Variants in COL9A1 observed in about 807,000 individuals in gnomAD.
COL9A1 encodes the protein collagen alpha-1(IX) chain.
Under a neutral mutation model 142.6 loss-of-function variants are expected in COL9A1, and 104 were observed. The ratio of observed to expected loss-of-function variants is 0.73; its 90% CI spans 0.62 to 0.86. COL9A1 has a LOEUF of 0.86. Ranked by LOEUF, COL9A1 falls within the 40% of genes least tolerant of loss-of-function variation. COL9A1 has a pLI of 0.00. For missense variants in COL9A1, 1,210 were observed against 1,176.6 expected, an observed-to-expected ratio of 1.03 and a Z score of -0.42; for synonymous variants, 466 against 396.0, an observed-to-expected ratio of 1.18 and a Z score of -2.10.
intron 18 of COL9A1, among the ~76,000 whole-genome samples, chr6:70,264,662 G>A (rs962618393): frequency 2.0e-5 from 3 of 151,982 alleles, no homozygotes; most frequent in African/African-American, 7.2e-5. Context: ...AAACTTTGGA[G>A]TAATATATTT....
intron 36 of COL9A1, among the ~76,000 whole-genome samples, chr6:70,231,029 T>A (rs78739591): frequency 0.039 from 6,006 of 152,286 alleles, 159 homozygotes; most frequent in Non-Finnish European, 0.061. Flanking sequence ...AAATGGGCGA[T>A]TGCTCCACAC....
At chr6:70,268,557 C>G (rs981866890) in intron 17 of COL9A1, among the ~76,000 whole-genome samples, 1 of 152,162 alleles carries the variant, frequency 6.6e-6, no homozygotes, top group African/African-American at 2.4e-5. Flanking sequence ...TCTAAAGTCT[C>G]TCAATCCAAT....
At chr6:70,284,123 A>G (rs925604104) in intron 5 of COL9A1, among the ~76,000 whole-genome samples, 2 of 152,200 alleles carry the variant, frequency 1.3e-5, no homozygotes, top group African/African-American at 4.8e-5. Flanking sequence ...TCTGATGACA[A>G]TCTCAAGATG....
chr6:70,274,876 CA>C, intron 10 of COL9A1, 104 bp from the exon 11 acceptor site: 1 of 871,400 alleles, frequency 1.1e-6, no homozygotes, highest in Admixed American at 1.9e-5. Context: ...AGGATGGTTA[CA>C]TAAGTATGAT....
intron 5 of COL9A1, among the ~76,000 whole-genome samples, chr6:70,285,885 C>A (rs1773433287): frequency 2.0e-5 from 3 of 152,032 alleles, no homozygotes; most frequent in Admixed American, 2.0e-4. Flanking sequence ...TCTTTTCTTT[C>A]TTTCTTTCTT....
intron 37 of COL9A1, among the ~76,000 whole-genome samples, chr6:70,219,012 T>C (rs1257819669): frequency 1.3e-5 from 2 of 152,192 alleles, no homozygotes; most frequent in Non-Finnish European, 2.9e-5. Context: ...GTGTTTTCTT[T>C]TAATGATGAG....
chr6:70,242,765 G>T, intron 28 of COL9A1, 50 bp from the exon 29 acceptor site: 1 of 1,536,454 alleles, frequency 6.5e-7, no homozygotes, highest in Non-Finnish European at 9.0e-7. Flanking sequence ...AAATTCAAAT[G>T]CTTAGTTACT....
At chr6:70,281,278 A>G (rs1773142263) in intron 8 of COL9A1, 112 bp downstream of exon 8, 1 of 1,032,020 alleles carries the variant, frequency 9.7e-7, no homozygotes, top group Non-Finnish European at 1.4e-6. Context: ...GGTGGCAGGA[A>G]GGGGAGACCC....
chr6:70,227,269 G>A (rs1014587510), intron 36 of COL9A1, among the ~76,000 whole-genome samples: 1 of 151,302 alleles, frequency 6.6e-6, no homozygotes, highest in African/African-American at 2.4e-5. Context: ...AAATATGAAG[G>A]GTTCCTAAAA....
chr6:70,222,237 A>G (rs751117689), intron 37 of COL9A1, among the ~76,000 whole-genome samples: 1 of 152,238 alleles, frequency 6.6e-6, no homozygotes, highest in Non-Finnish European at 1.5e-5. Context: ...TCTGTTTGCC[A>G]TATGCCAGGC....
intron 5 of COL9A1, 125 bp downstream of exon 5, chr6:70,294,042 T>C: frequency 7.6e-7 from 1 of 1,312,234 alleles, no homozygotes; most frequent in Non-Finnish European, 1.1e-6. Context: ...CTACTTAACT[T>C]CCTCTGATTC....
intron 21 of COL9A1, among the ~76,000 whole-genome samples, chr6:70,255,736 G>A (rs948131947): frequency 2.6e-5 from 4 of 152,142 alleles, no homozygotes; most frequent in African/African-American, 9.7e-5. Context: ...ATAGAGGTTT[G>A]AGGTTTGGAT....
chr6:70,291,938 T>A (rs1245572975), intron 5 of COL9A1, among the ~76,000 whole-genome samples: 1 of 152,136 alleles, frequency 6.6e-6, no homozygotes, highest in Non-Finnish European at 1.5e-5. Flanking sequence ...TATCTCTACT[T>A]TCCATCTTAC....
intron 4 of COL9A1, among the ~76,000 whole-genome samples, chr6:70,296,291 T>C (rs1336784921): frequency 6.6e-6 from 1 of 152,184 alleles, no homozygotes; most frequent in Non-Finnish European, 1.5e-5. Flanking sequence ...ATTTAGGGTA[T>C]GGGATGAATT....
chr6:70,264,875 T>A (rs1438670228), intron 18 of COL9A1, among the ~76,000 whole-genome samples: 2 of 152,162 alleles, frequency 1.3e-5, no homozygotes, highest in Non-Finnish European at 2.9e-5. Context: ...CTTCATTAAC[T>A]AATTTGGGTA....
Position 70,284,651 on chromosome 6 carries a change from CA to C in COL9A1, c.697-832del, listed in dbSNP as rs1246503203. On this transcript the variant is annotated intron_variant, in intron 5 of 37. Coordinates refer to ENST00000357250, the MANE Select transcript of COL9A1 (RefSeq NM_001851.6). ...CTGAAAAGATCCTCAGGTGACAAGG[CA>C]AAAAAAATTAAAATGTCATATCCCA... 2.6e-5 allele frequency among the ~76,000 whole-genome samples: 4 copies of C among 151,350 alleles called. 1 individual carries two copies. In the South Asian group the frequency reaches 8.4e-4, roughly 32 times the overall value.
At chr6:70,252,066 A>G in intron 28 of COL9A1, 54 bp downstream of exon 28, 2 of 1,561,948 alleles carry the variant, frequency 1.3e-6, no homozygotes, top group Non-Finnish European at 1.8e-6. Context: ...ATGGAAGAAC[A>G]TCCAGCAAAG....
At chr6:70,257,452 T>G (rs1771391668) in intron 20 of COL9A1, among the ~76,000 whole-genome samples, 2 of 152,180 alleles carry the variant, frequency 1.3e-5, no homozygotes, top group South Asian at 4.1e-4. Context: ...GTAAATCTAT[T>G]AGAAGAAGTT....
chr6:70,238,075 G>A (rs1364937515), intron 33 of COL9A1, among the ~76,000 whole-genome samples: 3 of 152,182 alleles, frequency 2.0e-5, no homozygotes, highest in African/African-American at 4.8e-5. Flanking sequence ...TGTTTACCTC[G>A]CTAAGAATCT....
Sources: allele counts gnomAD v4.1 joint callset (sites outside exome capture counted in the v4.1 genomes callset), GRCh38; gene constraint gnomAD v4.1.1; transcripts MANE v1.5; gene names NCBI Gene and HGNC (gene_info 2026-07-23, HGNC 2026-07-21).